The following OPHN1 variants were observed in gnomAD, a reference collection of about 807,000 sequenced individuals.
The protein encoded by OPHN1 is oligophrenin 1.
A neutral mutation model predicts 60.7 loss-of-function variants in OPHN1; 11 were observed. The ratio of observed to expected loss-of-function variants is 0.18; its 90% CI spans 0.11 to 0.30. The LOEUF is 0.30. Among genes scored for constraint, OPHN1 ranks in the 10% least tolerant of loss-of-function variants. OPHN1 has a pLI of 1.00. For synonymous variants in OPHN1, 226 were observed against 222.6 expected (o/e 1.02, Z -0.14); for missense variants, 449 against 611.0 (o/e 0.73, Z 2.80).
chrX:68,367,860 C>T (rs1024729659), intron 2 of OPHN1, among the ~76,000 whole-genome samples: 10 of 111,295 alleles, frequency 9.0e-5, no homozygotes, highest in African/African-American at 3.3e-4. Context: ...GACGTGTCTT[C>T]GGTCATGATT....
intron 2 of OPHN1, among the ~76,000 whole-genome samples, chrX:68,338,956 T>C (rs1229213927): frequency 9.3e-6 from 1 of 107,410 alleles, no homozygotes; most frequent in Non-Finnish European, 1.9e-5. Flanking sequence ...CACAAGCTTG[T>C]AGTCCCAGCT....
intron 20 of OPHN1, chrX:68,071,887 C>A (rs767067928): frequency 9.4e-5 from 27 of 286,574 alleles, no homozygotes; most frequent in Admixed American, 4.6e-4. Context: ...TACTGGCTGC[C>A]GGGGAGAATG....
intron 15 of OPHN1, among the ~76,000 whole-genome samples, chrX:68,175,687 T>G (rs2077411529): frequency 9.0e-6 from 1 of 111,709 alleles, no homozygotes; most frequent in South Asian, 3.7e-4. Context: ...GTAAGCCTCA[T>G]GATGACTCTC....
At chrX:68,078,683 T>G (rs1394520981) in intron 19 of OPHN1, among the ~76,000 whole-genome samples, 1 of 110,394 alleles carries the variant, frequency 9.1e-6, no homozygotes, top group Non-Finnish European at 1.9e-5. Context: ...AAAAGGGAGG[T>G]CATTAGAAGT....
intron 2 of OPHN1, among the ~76,000 whole-genome samples, chrX:68,310,821 T>C (rs2078169465): frequency 9.0e-6 from 1 of 111,016 alleles, no homozygotes. Flanking sequence ...AACATACTAG[T>C]AGCAAACTAG....
Position 68,426,895 on chromosome X carries a change from A to C in OPHN1, c.154+5972T>G, listed in dbSNP as rs1211758218. Among the ~76,000 whole-genome samples the C allele has an allele frequency of 4.5e-4, 45 of 100,668 alleles. 1 individual carries two copies. The highest frequency in any genetic ancestry group is 8.4e-4 in the African/African-American group (24 of 28,420). The allele number at this position is 100,668 out of a possible 115,157, so 87.4% of individuals were successfully genotyped here. On this transcript the variant is annotated intron_variant, in intron 2 of 24. Transcript: ENST00000355520. ...GACTCTGTCTCTTAAAACAAACAAA[A>C]AAAAAAAAACAAAAACATACTTATA... is the stretch of plus-strand genomic sequence containing the variant.
chrX:68,112,255 A>G (rs997069270), intron 17 of OPHN1: 4 of 225,497 alleles, frequency 1.8e-5, no homozygotes, highest in Admixed American at 6.6e-5. Flanking sequence ...AAAAGAGAAA[A>G]AAAACACACA....
chrX:68,314,003 T>A (rs947090915), intron 2 of OPHN1, among the ~76,000 whole-genome samples: 5 of 110,538 alleles, frequency 4.5e-5, no homozygotes, highest in African/African-American at 6.6e-5. Flanking sequence ...ATTAAAAAAA[T>A]TAAATTTTTT....
intron 15 of OPHN1, among the ~76,000 whole-genome samples, chrX:68,120,398 T>C (rs2077145885): frequency 8.9e-6 from 1 of 111,805 alleles, no homozygotes; most frequent in Non-Finnish European, 1.9e-5. Context: ...TTTACAATAG[T>C]ATTAAATAAA....
chrX:68,407,658 T>C (rs2078750256), intron 2 of OPHN1, among the ~76,000 whole-genome samples: 1 of 111,990 alleles, frequency 8.9e-6, no homozygotes, highest in African/African-American at 3.2e-5. Flanking sequence ...ATAAGAACCA[T>C]GTATTCCTCT....
chrX:68,417,621 C>G (rs755336268), intron 2 of OPHN1, among the ~76,000 whole-genome samples: 3 of 112,431 alleles, frequency 2.7e-5, no homozygotes, highest in Non-Finnish European at 5.6e-5. Flanking sequence ...CCAGAGCTGC[C>G]TTCTCTGGTG....
At chrX:68,401,725 G>A (rs1214391862) in intron 2 of OPHN1, among the ~76,000 whole-genome samples, 2 of 111,658 alleles carry the variant, frequency 1.8e-5, no homozygotes, top group Non-Finnish European at 3.8e-5. Context: ...GATTTGAGAT[G>A]GGCCTTGCAT....
At chrX:68,054,359 T>C (rs2076864368) in intron 21 of OPHN1, among the ~76,000 whole-genome samples, 2 of 111,299 alleles carry the variant, frequency 1.8e-5, no homozygotes, top group African/African-American at 6.5e-5. Flanking sequence ...ATAAGATGGT[T>C]CTAGTAGGAC....
At chrX:68,147,822 A>G (rs749392268) in intron 15 of OPHN1, among the ~76,000 whole-genome samples, 1 of 111,751 alleles carries the variant, frequency 8.9e-6, no homozygotes, top group African/African-American at 3.2e-5. Context: ...TTTTAACATC[A>G]ATTTGATTAA....
intron 2 of OPHN1, among the ~76,000 whole-genome samples, chrX:68,303,247 C>A (rs900760820): frequency 8.9e-6 from 1 of 111,881 alleles, no homozygotes; most frequent in Non-Finnish European, 1.9e-5. Flanking sequence ...CACAAAAGAC[C>A]CCAAAAGCAG....
intron 2 of OPHN1, among the ~76,000 whole-genome samples, chrX:68,337,566 G>A (rs1335059058): frequency 9.0e-6 from 1 of 110,518 alleles, no homozygotes; most frequent in Admixed American, 9.8e-5. Flanking sequence ...TGCCCAGGCA[G>A]GCCTCAAAAT....
intron 9 of OPHN1, 198 bp downstream of exon 9, chrX:68,209,955 T>C (rs2077576940): frequency 2.9e-5 from 14 of 480,690 alleles, no homozygotes; most frequent in East Asian, 3.9e-5. Context: ...CTACACAGCC[T>C]TTGTAAGACA....
At chrX:68,157,886 A>G (rs1358543965) in intron 15 of OPHN1, among the ~76,000 whole-genome samples, 1 of 112,600 alleles carries the variant, frequency 8.9e-6, no homozygotes, top group Non-Finnish European at 1.9e-5. Flanking sequence ...AAATACATTA[A>G]GTATTGGTAA....
chrX:68,125,013 G>C (rs2077164329), intron 15 of OPHN1, among the ~76,000 whole-genome samples: 1 of 110,430 alleles, frequency 9.1e-6, no homozygotes, highest in Non-Finnish European at 1.9e-5. Context: ...TGACCACAAT[G>C]GAAAAAAAAG....
Sources: allele counts gnomAD v4.1 joint callset (sites outside exome capture counted in the v4.1 genomes callset), GRCh38; gene constraint gnomAD v4.1.1; transcripts MANE v1.5; gene names NCBI Gene and HGNC (gene_info 2026-07-23, HGNC 2026-07-21).